ELK3: variants seen among roughly 807,000 people sequenced by gnomAD.
ELK3 encodes the protein ETS transcription factor ELK3.
Under a neutral mutation model 28.9 loss-of-function variants are expected in ELK3, and 10 were observed. The observed-to-expected ratio is 0.35, with a 90% CI of 0.21 to 0.59. ELK3 has a LOEUF of 0.59. ELK3 is among the 20% of genes least tolerant of loss of function. ELK3 has a pLI of 0.82. For synonymous variants in ELK3, 272 were observed against 243.5 expected (o/e 1.12, Z -1.09); for missense variants, 463 against 517.3 (o/e 0.90, Z 1.02).
In ELK3 at chr12:96,266,691, A is replaced by C. The variant is rs370604273; in HGVS notation, c.1126-391A>C. Among the ~76,000 whole-genome samples the C allele has an allele frequency of 3.9e-5, 6 of 152,162 alleles. No homozygotes were observed. In the East Asian group the frequency reaches 1.2e-3, roughly 29 times the overall value. ...AGAAATTACTGACTCACATGTAAAGAGTCTATGGTTTTCAAAACACTCTTT... is the reference window on the plus strand; with the variant it reads ...AGAAATTACTGACTCACATGTAAAGCGTCTATGGTTTTCAAAACACTCTTT... On this transcript the variant is annotated intron_variant, in intron 4 of 4. Coordinates refer to ENST00000228741, the MANE Select transcript of ELK3 (RefSeq NM_005230.4).
chr12:96,223,425 G>C, intron 1 of ELK3, 140 bp from the exon 2 acceptor site: 1 of 726,796 alleles, frequency 1.4e-6, no homozygotes, highest in South Asian at 1.8e-5. Context: ...CCTTGAGATG[G>C]AAGTGAAAGC....
At chr12:96,218,600 C>T (rs992233083) in intron 1 of ELK3, among the ~76,000 whole-genome samples, 4 of 151,550 alleles carry the variant, frequency 2.6e-5, no homozygotes, top group South Asian at 4.2e-4. Context: ...TGCATGTATA[C>T]CCCCTGAATC....
intron 1 of ELK3, among the ~76,000 whole-genome samples, chr12:96,219,901 C>T (rs559464490): frequency 5.3e-5 from 8 of 152,198 alleles, no homozygotes; most frequent in Admixed American, 2.6e-4. Context: ...CTCAAGAGAG[C>T]GCGAGAAGAG....
At chr12:96,264,309 T>C (rs1006916642) in intron 4 of ELK3, among the ~76,000 whole-genome samples, 5 of 152,106 alleles carry the variant, frequency 3.3e-5, no homozygotes, top group Admixed American at 1.3e-4. Flanking sequence ...ACTACAAATA[T>C]TGAAGGGAGA....
At chr12:96,204,094 T>TA (rs1951524502) in intron 1 of ELK3, among the ~76,000 whole-genome samples, 1 of 152,236 alleles carries the variant, frequency 6.6e-6, no homozygotes, top group African/African-American at 2.4e-5. Context: ...GTATCAGTGT[T>TA]ACTATACTGA....
At chr12:96,209,123 A>G (rs1284367596) in intron 1 of ELK3, among the ~76,000 whole-genome samples, 2 of 152,256 alleles carry the variant, frequency 1.3e-5, no homozygotes, top group African/African-American at 4.8e-5. Context: ...TGCAAAACAG[A>G]GACAGGGCAG....
intron 1 of ELK3, among the ~76,000 whole-genome samples, chr12:96,195,749 C>T (rs1001351476): frequency 8.5e-5 from 13 of 152,178 alleles, no homozygotes; most frequent in Admixed American, 5.9e-4. Flanking sequence ...AAACTGGCAG[C>T]AGACAGCATC....
At chr12:96,265,679 TAAATA>T (rs1183068447) in intron 4 of ELK3, among the ~76,000 whole-genome samples, 1 of 152,140 alleles carries the variant, frequency 6.6e-6, no homozygotes, top group African/African-American at 2.4e-5. Flanking sequence ...ACCCTATCTC[TAAATA>T]AAATAAATAA....
chr12:96,210,559 G>GCACACACACACACACACACACA (rs199706864), intron 1 of ELK3, among the ~76,000 whole-genome samples: 3 of 143,064 alleles, frequency 2.1e-5, no homozygotes, highest in Admixed American at 6.9e-5. Flanking sequence ...CTGCGCGCGG[G>GCACACACACACACACACACACA]CGCACGCACA....
chr12:96,259,709 G>A, intron 3 of ELK3, 22 bp from the exon 4 acceptor site: 1 of 1,604,100 alleles, frequency 6.2e-7, no homozygotes, highest in East Asian at 2.2e-5. Context: ...ATATGAAGAA[G>A]TCTGTTTGCT....
At chr12:96,231,340 C>T (rs1216864445) in intron 2 of ELK3, among the ~76,000 whole-genome samples, 5 of 152,210 alleles carry the variant, frequency 3.3e-5, no homozygotes, top group African/African-American at 1.2e-4. Flanking sequence ...TCCTTAACAT[C>T]AGACAGATGG....
intron 1 of ELK3, among the ~76,000 whole-genome samples, chr12:96,203,103 G>A (rs1033274177): frequency 1.3e-5 from 2 of 151,386 alleles, no homozygotes; most frequent in Non-Finnish European, 2.9e-5. Context: ...GGCTGGTCTC[G>A]AACTCCTGAC....
intron 3 of ELK3, among the ~76,000 whole-genome samples, chr12:96,258,006 A>G (rs920292688): frequency 1.3e-5 from 2 of 152,248 alleles, no homozygotes; most frequent in African/African-American, 4.8e-5. Flanking sequence ...CACATATCTT[A>G]TAAGAGCTTG....
chr12:96,194,874 C>A (rs892599211), intron 1 of ELK3, among the ~76,000 whole-genome samples, 169 bp downstream of exon 1: 4 of 142,950 alleles, frequency 2.8e-5, no homozygotes, highest in Admixed American at 6.9e-5. Context: ...GGAGGGCCGG[C>A]CGCGGGGAGG....
chr12:96,241,211 G>C (rs17025302), intron 2 of ELK3, among the ~76,000 whole-genome samples: 16,016 of 151,962 alleles, frequency 0.11, 1,336 homozygotes, highest in African/African-American at 0.23. Flanking sequence ...CCTTATAGTT[G>C]GTAATTCATT....
chr12:96,229,642 C>T (rs572554585), intron 2 of ELK3, among the ~76,000 whole-genome samples: 2 of 149,816 alleles, frequency 1.3e-5, no homozygotes, highest in African/African-American at 2.5e-5. Context: ...AGGGAGTCTC[C>T]TGCCTCAGCC....
Position 96,216,089 on chromosome 12 carries a change from C to T in ELK3, c.-2-7476C>T, listed in dbSNP as rs139403152. Among the ~76,000 whole-genome samples, 572 of 152,312 alleles carry T rather than the reference C, an allele frequency of 3.8e-3. 8 individuals carry two copies. Among genetic ancestry groups the T allele is most frequent in the East Asian group, 0.018 (92 of 5,180 alleles). ...GGCCTCTCTACTCTGTGTCTTTTGCCCTGACCAGCCCGTGAATGCCCTCCT... is the reference window on the plus strand; with the variant it reads ...GGCCTCTCTACTCTGTGTCTTTTGCTCTGACCAGCCCGTGAATGCCCTCCT... On this transcript the variant is annotated intron_variant, in intron 1 of 4. Transcript: ENST00000228741.
At chr12:96,221,200 GGTTCTCATAA>G (rs1237949018) in intron 1 of ELK3, among the ~76,000 whole-genome samples, 2 of 152,190 alleles carry the variant, frequency 1.3e-5, no homozygotes, top group African/African-American at 4.8e-5. Context: ...CTGCCATATG[GGTTCTCATAA>G]GTCATGCCCA....
At chr12:96,253,685 G>A (rs1018496337) in intron 3 of ELK3, among the ~76,000 whole-genome samples, 3 of 152,198 alleles carry the variant, frequency 2.0e-5, no homozygotes, top group Non-Finnish European at 4.4e-5. Context: ...TAGACATCTT[G>A]TTTCTCTCTC....
Sources: gnomAD v4.1 joint callset for allele counts (sites outside exome capture counted in the v4.1 genomes callset) on GRCh38, gnomAD v4.1.1 for gene constraint, MANE v1.5 for transcripts, NCBI Gene and HGNC (gene_info 2026-07-23, HGNC 2026-07-21) for gene names.